The following ACO1 variants were observed in gnomAD, a reference collection of about 807,000 sequenced individuals.
ACO1 encodes aconitase 1, also known as cytoplasmic aconitate hydratase.
In ACO1, 78 loss-of-function variants were observed where a neutral mutation model predicts 105.1. That is an observed-to-expected ratio of 0.74 (90% CI 0.62 to 0.90). The LOEUF is 0.90. ACO1 is among the 40% of genes least tolerant of loss of function. The pLI is 0.00. For missense variants in ACO1, 965 were observed against 1,111.1 expected (o/e 0.87, Z 1.87); for synonymous variants, 364 against 397.4 (o/e 0.92, Z 1.00).
At chr9:32,400,543 T>A (rs1251319402) in intron 1 of ACO1, among the ~76,000 whole-genome samples, 4 of 152,214 alleles carry the variant, frequency 2.6e-5, no homozygotes, top group Non-Finnish European at 5.9e-5. Flanking sequence ...GTGGACTTTA[T>A]CTGGAGTTAT....
chr9:32,410,796 C>T (rs2118424758), intron 4 of ACO1, among the ~76,000 whole-genome samples: 1 of 152,246 alleles, frequency 6.6e-6, no homozygotes, highest in South Asian at 2.1e-4. Context: ...ATCTCAACAG[C>T]AGTCAACAGT....
At chr9:32,434,724 G>A (rs1338913476) in intron 17 of ACO1, 23 bp downstream of exon 17, 2 of 1,611,632 alleles carry the variant, frequency 1.2e-6, no homozygotes, top group Non-Finnish European at 1.7e-6. Flanking sequence ...GAGGCAGGAA[G>A]GACTAAAGGC....
chr9:32,453,355 A>AG lies in ACO1; in HGVS notation c.*3246dup, dbSNP rs1289120976. ...TAGAAGCACAGCTCAAATTAGCTTA[A>AG]GGAAAAAAAAAAAAAAGCTGGCTCA... On this transcript the variant is annotated 3_prime_UTR_variant, in exon 21 of 21. Coordinates refer to ENST00000309951, the MANE Select transcript of ACO1 (RefSeq NM_002197.3). 8.2e-5 allele frequency: 2 copies of AG among 24,462 alleles called. No individual in the cohort carries two copies. Among genetic ancestry groups the AG allele is most frequent in the Non-Finnish European group, 3.4e-4 (2 of 5,948 alleles). 1.5% of individuals were successfully genotyped at this position (24,462 alleles called of 1,614,324 possible). A position where few individuals can be genotyped will look rare whatever the true frequency, so the allele number is the denominator to read the frequency against.
At chr9:32,432,500 G>C (rs1822262019) in intron 15 of ACO1, among the ~76,000 whole-genome samples, 1 of 152,142 alleles carries the variant, frequency 6.6e-6, no homozygotes, top group African/African-American at 2.4e-5. Flanking sequence ...CTCTTCACAA[G>C]GTGCTCCTTG....
At chr9:32,410,063 A>G (rs1821702733) in intron 4 of ACO1, among the ~76,000 whole-genome samples, 1 of 152,186 alleles carries the variant, frequency 6.6e-6, no homozygotes, top group Non-Finnish European at 1.5e-5. Flanking sequence ...GTTTATTTTA[A>G]TGAGCTTTTA....
At position 32,450,028 on chromosome 9, in the gene ACO1, A is replaced by T. The variant is rs199964011; in HGVS notation, c.2587A>T (p.Met863Leu). Residue 863 changes from methionine (M) to leucine (L), a missense_variant, in exon 21 of 21, where the codon ATG (methionine) becomes TTG (leucine). Coordinates refer to ENST00000309951, the MANE Select transcript of ACO1 (RefSeq NM_002197.3). ...TACTGGCAAGACCTTCCAGGCTGTC[A>T]TGAGGTTTGACACTGATGTGGAGCT... Reference protein sequence around the residue: ...LDTGKTFQAVMRFDTDVELTY... With the variant: ...LDTGKTFQAVLRFDTDVELTY... The T allele has an allele frequency of 6.2e-7, 1 of 1,614,066 alleles. No homozygotes were observed. The highest frequency in any genetic ancestry group is 2.2e-5 in the East Asian group (1 of 44,862).
intron 11 of ACO1, 94 bp from the exon 12 acceptor site, chr9:32,427,207 T>A: frequency 1.3e-6 from 2 of 1,488,996 alleles, no homozygotes. Context: ...TGGCAGGAAA[T>A]GCAGACTGAA....
intron 19 of ACO1, among the ~76,000 whole-genome samples, chr9:32,441,871 C>A (rs886575480): frequency 1.3e-5 from 2 of 152,216 alleles, no homozygotes; most frequent in African/African-American, 4.8e-5. Flanking sequence ...ACTGTACTTA[C>A]AGAGAGCAGT....
chr9:32,436,786 C>T (rs1356773414), intron 18 of ACO1, among the ~76,000 whole-genome samples: 2 of 152,130 alleles, frequency 1.3e-5, no homozygotes, highest in African/African-American at 2.4e-5. Flanking sequence ...TAGAGAGGTG[C>T]TTGGAGGCAT....
chr9:32,394,685 C>T (rs1821335597), intron 1 of ACO1, among the ~76,000 whole-genome samples: 1 of 152,312 alleles, frequency 6.6e-6, no homozygotes, highest in South Asian at 2.1e-4. Context: ...CATCTGGCTT[C>T]AGATTTGTAG....
At chr9:32,429,635 G>A (rs1822181616) in intron 13 of ACO1, 132 bp downstream of exon 13, 1 of 796,602 alleles carries the variant, frequency 1.3e-6, no homozygotes, top group Middle Eastern at 2.4e-4. Flanking sequence ...TTTGAGTTTA[G>A]TTAAAATTAC....
intron 20 of ACO1, among the ~76,000 whole-genome samples, 167 bp from the exon 21 acceptor site, chr9:32,449,831 C>T (rs1401316857): frequency 6.6e-6 from 1 of 152,166 alleles, no homozygotes; most frequent in Admixed American, 6.6e-5. Flanking sequence ...AATGCATCTT[C>T]TGATTTAGTG....
intron 1 of ACO1, among the ~76,000 whole-genome samples, chr9:32,389,525 G>A (rs549451171): frequency 5.3e-5 from 8 of 152,172 alleles, no homozygotes; most frequent in South Asian, 4.1e-4. Context: ...ATGGCGAACC[G>A]AAAAACAGGC....
intron 11 of ACO1, among the ~76,000 whole-genome samples, chr9:32,427,023 G>A (rs1033737605): frequency 5.3e-5 from 8 of 151,710 alleles, no homozygotes; most frequent in Non-Finnish European, 1.2e-4. Flanking sequence ...TTCCTAAATG[G>A]TTTTACATTT....
rs750286577 is a variant in ACO1 at position 32,429,499 on chromosome 9, C to T, written c.1565C>T (p.Thr522Ile). The T allele has an allele frequency of 3.7e-6, 6 of 1,613,864 alleles. No individual in the cohort carries two copies. The highest frequency in any genetic ancestry group is 3.3e-5 in the South Asian group (3 of 91,074). ...PLPEPVVEAI[T>I]QGDLVAVGVL... is the part of the protein sequence containing the mutation. ...CCTGAACCTGTGGTAGAAGCCATCACACAGGTAATTGCAGAGGTCCCTGCA... is the reference window on the plus strand; with the variant it reads ...CCTGAACCTGTGGTAGAAGCCATCATACAGGTAATTGCAGAGGTCCCTGCA... The change falls in exon 13 of 21, where the codon ACA becomes ATA. Residue 522 changes from threonine to isoleucine, a missense_variant. Coordinates refer to ENST00000309951, the MANE Select transcript of ACO1 (RefSeq NM_002197.3).
In ACO1 at chr9:32,445,615, C is replaced by T. The variant is rs147036671; in HGVS notation, c.2371-3281C>T. 70 of 300,064 alleles carry T rather than the reference C, an allele frequency of 2.3e-4. 1 individual carries two copies. The highest frequency in any genetic ancestry group is 3.7e-4 in the Non-Finnish European group (55 of 146,954). 18.6% of individuals were successfully genotyped at this position (300,064 alleles called of 1,614,324 possible). On this transcript the variant is annotated intron_variant, in intron 19 of 20. Coordinates refer to ENST00000309951, the MANE Select transcript of ACO1 (RefSeq NM_002197.3). ...CAGTTTCTGGTGTCTCTGTCTCCTT[C>T]AGTTCTGCTTTGATCTTAGTTATTT...
intron 13 of ACO1, 34 bp downstream of exon 13, chr9:32,429,537 AGTT>A: frequency 2.5e-6 from 4 of 1,573,548 alleles, no homozygotes; most frequent in Non-Finnish European, 3.5e-6. Context: ...TCTTCAGAGC[AGTT>A]GTTTCTTTTC....
intron 19 of ACO1, among the ~76,000 whole-genome samples, chr9:32,443,346 C>T (rs2118565004): frequency 6.6e-6 from 1 of 152,130 alleles, no homozygotes; most frequent in East Asian, 1.9e-4. Context: ...ATCTTTTTCT[C>T]CTGTGACATT....
At chr9:32,443,214 C>A (rs906616641) in intron 19 of ACO1, among the ~76,000 whole-genome samples, 3 of 151,900 alleles carry the variant, frequency 2.0e-5, no homozygotes, top group Admixed American at 6.6e-5. Flanking sequence ...ATTTATTAAG[C>A]CATTTTCTGT....
Sources: allele counts gnomAD v4.1 joint callset (sites outside exome capture counted in the v4.1 genomes callset), GRCh38; gene constraint gnomAD v4.1.1; transcripts MANE v1.5; gene names NCBI Gene and HGNC (gene_info 2026-07-23, HGNC 2026-07-21).